The following SYNE1 variants were observed in gnomAD, a reference collection of about 807,000 sequenced individuals.
The protein encoded by SYNE1 is spectrin repeat containing nuclear envelope protein 1, also known as nesprin-1.
In SYNE1, 616 loss-of-function variants were observed where a neutral mutation model predicts 1,111.0. That is an observed-to-expected ratio of 0.55 (90% CI 0.52 to 0.59). The LOEUF is 0.59. Among genes scored for constraint, SYNE1 ranks in the 20% least tolerant of loss-of-function variants. The probability of loss-of-function intolerance (pLI) is 0.00; values close to 1 mark genes in which losing one functional copy is unlikely to be tolerated. For missense variants in SYNE1, 10,006 were observed against 10,417.0 expected (o/e 0.96, Z 1.72); for synonymous variants, 3,855 against 3,825.8 (o/e 1.01, Z -0.28).
At chr6:152,537,200 A>G (rs2099247651) in intron 4 of SYNE1, among the ~76,000 whole-genome samples, 1 of 152,134 alleles carries the variant, frequency 6.6e-6, no homozygotes, top group Admixed American at 6.6e-5. Flanking sequence ...ATGAAATAAC[A>G]ACAACCCGCC....
chr6:152,206,360 G>C lies in SYNE1; in HGVS notation c.22827C>G (p.Phe7609Leu), dbSNP rs890455049. Reference sequence around the variant, plus strand: ...GTTGCCGCAGAAACACTTTTTCTTTGAACTGAAAGGAACCATAGCTTTTTA... The same window carrying C: ...GTTGCCGCAGAAACACTTTTTCTTTCAACTGAAAGGAACCATAGCTTTTTA... Reference protein sequence around the residue: ...QARTLFDEVQFKEKVFLRQQG... With the variant: ...QARTLFDEVQLKEKVFLRQQG... The change falls in exon 126 of 146, where the codon TTC (phenylalanine) becomes TTG (leucine). Residue 7609 changes from phenylalanine to leucine, a missense_variant and splice_region_variant. Coordinates refer to ENST00000367255, the MANE Select transcript of SYNE1 (RefSeq NM_182961.4). 2 of 1,613,560 alleles carry C rather than the reference G, an allele frequency of 1.2e-6. No homozygotes were observed. Among genetic ancestry groups the C allele is most frequent in the Non-Finnish European group, 1.7e-6 (2 of 1,179,882 alleles).
Position 152,428,402 on chromosome 6 carries a change from GTGCGAGAAGAA to G in SYNE1, c.4789-21_4789-11del. On this transcript the variant is annotated splice_polypyrimidine_tract_variant and intron_variant, in intron 36 of 145. Coordinates refer to ENST00000367255, the MANE Select transcript of SYNE1 (RefSeq NM_182961.4). ...GGGCCTGGCAGAGATCCTAAGAAGA[GTGCGAGAAGAA>G]TGCAGTGAAAGCACAGGAGCCAACG... The G allele has an allele frequency of 9.3e-6, 15 of 1,613,144 alleles. No individual in the cohort carries two copies. Among genetic ancestry groups the G allele is most frequent in the Non-Finnish European group, 1.3e-5 (15 of 1,180,012 alleles).
chr6:152,630,592 A>C (rs1231630585), intron 2 of SYNE1, among the ~76,000 whole-genome samples: 1 of 152,234 alleles, frequency 6.6e-6, no homozygotes, highest in Non-Finnish European at 1.5e-5. Flanking sequence ...CTAAGCTATT[A>C]GGAAGTTAGG....
intron 98 of SYNE1, among the ~76,000 whole-genome samples, chr6:152,270,344 G>A: frequency 6.6e-6 from 1 of 152,128 alleles, no homozygotes; most frequent in East Asian, 1.9e-4. Flanking sequence ...GCCTTGAGAG[G>A]TCAGTGGTGT....
At chr6:152,509,947 G>C (rs1332302267) in intron 8 of SYNE1, among the ~76,000 whole-genome samples, 4 of 152,140 alleles carry the variant, frequency 2.6e-5, no homozygotes, top group African/African-American at 9.7e-5. Flanking sequence ...TTTAGGATTA[G>C]TCAGTTTAAT....
chr6:152,454,942 G>A (rs962830079), intron 24 of SYNE1, among the ~76,000 whole-genome samples: 1 of 152,138 alleles, frequency 6.6e-6, no homozygotes, highest in African/African-American at 2.4e-5. Flanking sequence ...ATATTGAGAT[G>A]ATAAACATGA....
At chr6:152,233,145 T>C (rs1215274352) in intron 112 of SYNE1, among the ~76,000 whole-genome samples, 1 of 152,204 alleles carries the variant, frequency 6.6e-6, no homozygotes, top group Non-Finnish European at 1.5e-5. Context: ...TATATTACGT[T>C]CTAAATCTTC....
At chr6:152,214,659 G>A (rs1364572905) in intron 122 of SYNE1, among the ~76,000 whole-genome samples, 1 of 152,158 alleles carries the variant, frequency 6.6e-6, no homozygotes, top group Non-Finnish European at 1.5e-5. Context: ...CTTCCACTGT[G>A]TGAGGACACA....
intron 75 of SYNE1, among the ~76,000 whole-genome samples, chr6:152,337,645 C>T (rs9383990): frequency 1.3e-5 from 2 of 152,102 alleles, no homozygotes; most frequent in African/African-American, 4.8e-5. Flanking sequence ...ATGGTTTTTC[C>T]CATTGGGCAT....
rs181211957 is a variant in SYNE1 at position 152,368,319 on chromosome 6, G to A, written c.9807+653C>T. Reference sequence around the variant, plus strand: ...AAAATGGGTCTACGTTACCATCTACGTCAAAATGGCTGAATGTTCTAAATG... The same window carrying A: ...AAAATGGGTCTACGTTACCATCTACATCAAAATGGCTGAATGTTCTAAATG... On this transcript the variant is annotated intron_variant, in intron 61 of 145. Coordinates refer to ENST00000367255, the MANE Select transcript of SYNE1 (RefSeq NM_182961.4). 1.9e-3 allele frequency: 296 copies of A among 152,932 alleles called. 3 individuals carry two copies. Among genetic ancestry groups the A allele is most frequent in the South Asian group, 0.017 (84 of 4,848 alleles). 9.5% of individuals were successfully genotyped at this position (152,932 alleles called of 1,614,324 possible).
At chr6:152,633,912 T>C (rs1302775186) in intron 2 of SYNE1, among the ~76,000 whole-genome samples, 7 of 140,240 alleles carry the variant, frequency 5.0e-5, no homozygotes, top group Non-Finnish European at 1.1e-4. Context: ...TGCTCCCAGT[T>C]GAAAGGCATA....
chr6:152,208,354 T>A, intron 124 of SYNE1, 148 bp from the exon 125 acceptor site: 2 of 726,478 alleles, frequency 2.8e-6, no homozygotes, highest in South Asian at 3.2e-5. Flanking sequence ...GATCTCTTAC[T>A]GGGTTTTGGG....
At chr6:152,497,580 A>G (rs1442412394) in intron 11 of SYNE1, among the ~76,000 whole-genome samples, 1 of 152,206 alleles carries the variant, frequency 6.6e-6, no homozygotes, top group Admixed American at 6.5e-5. Context: ...AAAGCACTTG[A>G]CTGCCCTGAA....
chr6:152,127,319 A>C (rs1011095864), intron 145 of SYNE1: 3 of 152,170 alleles, frequency 2.0e-5, no homozygotes, highest in African/African-American at 4.8e-5. Flanking sequence ...TAAATTGGGA[A>C]TATAGCCATG....
chr6:152,277,317 G>A (rs1320355066), intron 98 of SYNE1, among the ~76,000 whole-genome samples: 2 of 114,646 alleles, frequency 1.7e-5, no homozygotes, highest in African/African-American at 3.5e-5. Flanking sequence ...TTGCTCTGTC[G>A]CCCAGACTGG....
chr6:152,631,107 C>A (rs1055500037), intron 2 of SYNE1, among the ~76,000 whole-genome samples: 2 of 152,106 alleles, frequency 1.3e-5, no homozygotes, highest in African/African-American at 4.8e-5. Flanking sequence ...ACAAAAATAC[C>A]AGGGCTAAGT....
rs374047159 is a variant in SYNE1 at position 152,541,377 on chromosome 6, T to C, written c.68-1356A>G. ...GTTAGATGTATTCCAAGGTATTTTA[T>C]TGTGTGTGTGTGACTATTGTAAATG... On this transcript the variant is annotated intron_variant, in intron 3 of 145. Coordinates refer to ENST00000367255, the MANE Select transcript of SYNE1 (RefSeq NM_182961.4). Among the ~76,000 whole-genome samples, 6 of 152,146 alleles carry C rather than the reference T, an allele frequency of 3.9e-5. No individual in the cohort carries two copies. The East Asian group carries it at 1.2e-3, about 29-fold the overall frequency.
intron 87 of SYNE1, among the ~76,000 whole-genome samples, chr6:152,312,375 A>G (rs2095581950): frequency 6.7e-6 from 1 of 150,294 alleles, no homozygotes; most frequent in African/African-American, 2.4e-5. Flanking sequence ...ACGCCCAGCT[A>G]ATTTTGTATT....
chr6:152,329,341 C>G (rs539618362), intron 78 of SYNE1, among the ~76,000 whole-genome samples: 1 of 152,284 alleles, frequency 6.6e-6, no homozygotes, highest in South Asian at 2.1e-4. Context: ...GCTTGGCCAA[C>G]ATAATGAAAC....
Sources: gnomAD v4.1 joint callset for allele counts (sites outside exome capture counted in the v4.1 genomes callset) on GRCh38, gnomAD v4.1.1 for gene constraint, MANE v1.5 for transcripts, NCBI Gene and HGNC (gene_info 2026-07-23, HGNC 2026-07-21) for gene names.